The following MYO1E variants were observed in gnomAD, a reference collection of about 807,000 sequenced individuals.
The protein encoded by MYO1E is unconventional myosin-Ie.
Under a neutral mutation model 151.1 loss-of-function variants are expected in MYO1E, and 68 were observed. The ratio of observed to expected loss-of-function variants is 0.45; its 90% CI spans 0.37 to 0.55. The LOEUF is 0.55. MYO1E is among the 20% of genes least tolerant of loss of function. The probability of loss-of-function intolerance (pLI) is 0.00; values close to 1 mark genes in which losing one functional copy is unlikely to be tolerated. For missense variants in MYO1E, 1,363 were observed against 1,389.3 expected (o/e 0.98, Z 0.30); for synonymous variants, 601 against 501.7 (o/e 1.20, Z -2.64).
chr15:59,353,929 T>C (rs2080839363), intron 1 of MYO1E, among the ~76,000 whole-genome samples: 1 of 152,154 alleles, frequency 6.6e-6, no homozygotes, highest in African/African-American at 2.4e-5. Context: ...TGAACATAAA[T>C]AGGCTCCAAA....
At chr15:59,324,311 A>G (rs2080648481) in intron 1 of MYO1E, among the ~76,000 whole-genome samples, 1 of 152,250 alleles carries the variant, frequency 6.6e-6, no homozygotes, top group Admixed American at 6.5e-5. Flanking sequence ...ATTAAAAAAA[A>G]AGGGAGAATA....
chr15:59,277,610 T>G (rs564844524), intron 1 of MYO1E, among the ~76,000 whole-genome samples: 2 of 151,022 alleles, frequency 1.3e-5, no homozygotes, highest in East Asian at 3.9e-4. Flanking sequence ...AGCAACTGTA[T>G]TTTTTAGGAA....
intron 1 of MYO1E, among the ~76,000 whole-genome samples, chr15:59,369,725 G>A (rs538053852): frequency 7.4e-4 from 112 of 152,258 alleles, no homozygotes; most frequent in African/African-American, 2.6e-3. Context: ...TGAGTTTTCA[G>A]GAGGAAGATA....
chr15:59,148,863 G>A (rs2079457384), intron 26 of MYO1E, among the ~76,000 whole-genome samples: 1 of 152,022 alleles, frequency 6.6e-6, no homozygotes, highest in African/African-American at 2.4e-5. Context: ...ATTTCCTGAA[G>A]TTATCCTCCC....
intron 25 of MYO1E, among the ~76,000 whole-genome samples, chr15:59,154,839 G>A (rs2140307482): frequency 6.6e-6 from 1 of 152,246 alleles, no homozygotes; most frequent in South Asian, 2.1e-4. Flanking sequence ...AATATTTCAT[G>A]CCCAGTAATA....
chr15:59,327,029 C>T (rs2080669018), intron 1 of MYO1E, among the ~76,000 whole-genome samples: 1 of 152,208 alleles, frequency 6.6e-6, no homozygotes, highest in African/African-American at 2.4e-5. Context: ...CCCAGAGGAA[C>T]TGGAACCTAG....
chr15:59,147,603 A>C (rs2079449096), intron 26 of MYO1E, among the ~76,000 whole-genome samples: 1 of 150,926 alleles, frequency 6.6e-6, no homozygotes, highest in African/African-American at 2.4e-5. Context: ...TCTCAAAAAA[A>C]AAAAAAAAAA....
chr15:59,214,168 T>C (rs1337877942), intron 12 of MYO1E, 60 bp downstream of exon 12: 5 of 1,363,520 alleles, frequency 3.7e-6, no homozygotes, highest in East Asian at 2.4e-5. Flanking sequence ...CAGAAATCTA[T>C]ACCCTCTTAA....
intron 4 of MYO1E, among the ~76,000 whole-genome samples, chr15:59,238,464 A>G (rs1263569757): frequency 6.6e-6 from 1 of 152,250 alleles, no homozygotes; most frequent in Non-Finnish European, 1.5e-5. Context: ...GGTAATGTGA[A>G]TAGAAGATAC....
intron 2 of MYO1E, among the ~76,000 whole-genome samples, chr15:59,262,940 A>G (rs2080232638): frequency 6.6e-6 from 1 of 152,102 alleles, no homozygotes; most frequent in African/African-American, 2.4e-5. Context: ...GATGCTCGGG[A>G]TATGACAGTG....
intron 5 of MYO1E, among the ~76,000 whole-genome samples, chr15:59,234,612 G>T (rs1188420075): frequency 6.6e-6 from 1 of 152,114 alleles, no homozygotes; most frequent in African/African-American, 2.4e-5. Context: ...TTCAGCTCAG[G>T]AGTTTGAGAC....
chr15:59,305,024 G>C (rs1321975166), intron 1 of MYO1E, among the ~76,000 whole-genome samples: 1 of 152,218 alleles, frequency 6.6e-6, no homozygotes, highest in African/African-American at 2.4e-5. Flanking sequence ...ACATGGCCGA[G>C]CTGTGAGCAC....
At chr15:59,177,530 T>C (rs2079632297) in intron 19 of MYO1E, among the ~76,000 whole-genome samples, 1 of 152,184 alleles carries the variant, frequency 6.6e-6, no homozygotes, top group African/African-American at 2.4e-5. Flanking sequence ...ACTCTTGAAA[T>C]AGGTCTTGTG....
chr15:59,352,911 G>A (rs60778269), intron 1 of MYO1E, among the ~76,000 whole-genome samples: 1,568 of 152,228 alleles, frequency 0.01, 24 homozygotes, highest in African/African-American at 0.036. Flanking sequence ...AAGCACTTCC[G>A]AAAACAGCAT....
At chr15:59,252,207 A>C (rs2080168930) in intron 4 of MYO1E, among the ~76,000 whole-genome samples, 1 of 152,168 alleles carries the variant, frequency 6.6e-6, no homozygotes, top group African/African-American at 2.4e-5. Flanking sequence ...CTTTTAAAGA[A>C]CTATAGGCAC....
At chr15:59,230,867 A>G (rs1424917050) in intron 6 of MYO1E, among the ~76,000 whole-genome samples, 2 of 152,240 alleles carry the variant, frequency 1.3e-5, no homozygotes, top group African/African-American at 4.8e-5. Context: ...GGCTCCGTGA[A>G]TGCTTTAGTG....
intron 1 of MYO1E, among the ~76,000 whole-genome samples, chr15:59,288,859 T>A (rs1159231204): frequency 6.6e-6 from 1 of 151,738 alleles, no homozygotes; most frequent in Non-Finnish European, 1.5e-5. Flanking sequence ...ACATAGGGAG[T>A]TCAGCAGGCT....
At chr15:59,347,618 C>T (rs765588407) in intron 1 of MYO1E, among the ~76,000 whole-genome samples, 4 of 152,024 alleles carry the variant, frequency 2.6e-5, no homozygotes, top group Non-Finnish European at 4.4e-5. Flanking sequence ...GAATGTGGTA[C>T]TAGCAACTGG....
chr15:59,158,465 A>G (rs755509710), intron 24 of MYO1E, 86 bp from the exon 25 acceptor site: 96 of 1,046,558 alleles, frequency 9.2e-5, no homozygotes, highest in Non-Finnish European at 1.3e-4. Flanking sequence ...AAAATTTTTG[A>G]GAAGCTTGGA....
Sources: allele counts gnomAD v4.1 joint callset (sites outside exome capture counted in the v4.1 genomes callset), GRCh38; gene constraint gnomAD v4.1.1; transcripts MANE v1.5; gene names NCBI Gene and HGNC (gene_info 2026-07-23, HGNC 2026-07-21).